Variants in FHOD3 observed in about 807,000 individuals in gnomAD.
The protein encoded by FHOD3 is formin homology 2 domain containing 3.
FHOD3 carries 90 observed loss-of-function variants against 173.0 expected under a neutral mutation model. That is an observed-to-expected ratio of 0.52 (90% CI 0.44 to 0.62). The LOEUF (loss-of-function observed/expected upper bound fraction) is 0.62, where lower values mean the gene tolerates loss of function less well. Ranked by LOEUF, FHOD3 falls within the 20% of genes least tolerant of loss-of-function variation. The pLI is 0.00. For missense variants in FHOD3, 1,945 were observed against 2,034.7 expected (o/e 0.96, Z 0.85); for synonymous variants, 828 against 823.0 (o/e 1.01, Z -0.10).
At chr18:36,558,461 A>C (rs1378030693) in intron 5 of FHOD3, among the ~76,000 whole-genome samples, 1 of 152,222 alleles carries the variant, frequency 6.6e-6, no homozygotes, top group East Asian at 1.9e-4. Flanking sequence ...TCTTTTGGCC[A>C]GAAGCGGAAG....
intron 27 of FHOD3, among the ~76,000 whole-genome samples, chr18:36,763,598 C>A (rs1171385866): frequency 6.9e-6 from 1 of 145,318 alleles, no homozygotes; most frequent in East Asian, 2.0e-4. Context: ...GTATTATACA[C>A]GTTATATATA....
chr18:36,736,447 A>G (rs1451417229), intron 20 of FHOD3, among the ~76,000 whole-genome samples: 2 of 152,174 alleles, frequency 1.3e-5, no homozygotes, highest in Non-Finnish European at 2.9e-5. Flanking sequence ...GGTCACATAA[A>G]CGAATTGAAA....
chr18:36,700,576 G>A lies in FHOD3; in HGVS notation c.2236+7153G>A, dbSNP rs144750143. Among the ~76,000 whole-genome samples the A allele has an allele frequency of 1.5e-4, 23 of 151,932 alleles. No homozygotes were observed. In the East Asian group the frequency reaches 3.1e-3, roughly 20 times the overall value. On this transcript the variant is annotated intron_variant, in intron 17 of 28. Transcript: ENST00000590592. ...TTTCTTTTCTCTTCATTGCCATTGC[G>A]TTAGTCCTGGCCTCAACCATCTCTG...
intron 3 of FHOD3, among the ~76,000 whole-genome samples, chr18:36,492,691 C>T (rs2054531191): frequency 6.6e-6 from 1 of 152,182 alleles, no homozygotes; most frequent in South Asian, 2.1e-4. Context: ...TTCTGTCTTA[C>T]CAGGTCTCAT....
At chr18:36,618,311 G>GTTTTTTTTTTTTTTTTTTT (rs34019893) in intron 9 of FHOD3, among the ~76,000 whole-genome samples, 1 of 70,848 alleles carries the variant, frequency 1.4e-5, no homozygotes, top group Non-Finnish European at 2.5e-5. Flanking sequence ...TTTTTTGGTG[G>GTTTTTTTTTTTTTTTTTTT]TTTTTTTTTT....
chr18:36,493,616 C>G (rs1198448554), intron 3 of FHOD3, among the ~76,000 whole-genome samples: 1 of 152,160 alleles, frequency 6.6e-6, no homozygotes, highest in Non-Finnish European at 1.5e-5. Flanking sequence ...TTCACCAACT[C>G]TCTCTGACTG....
chr18:36,687,245 C>A, intron 16 of FHOD3, 67 bp downstream of exon 16: 1 of 1,153,980 alleles, frequency 8.7e-7, no homozygotes, highest in Non-Finnish European at 1.3e-6. Flanking sequence ...ACCTAGCATG[C>A]AGAGAGACTG....
At chr18:36,447,847 A>G (rs574967983) in intron 3 of FHOD3, among the ~76,000 whole-genome samples, 31 of 152,344 alleles carry the variant, frequency 2.0e-4, no homozygotes, top group African/African-American at 7.2e-4. Context: ...AGCAGGTTTC[A>G]AAATTGCCTT....
intron 10 of FHOD3, among the ~76,000 whole-genome samples, chr18:36,646,141 C>T (rs376083036): frequency 1.8e-4 from 28 of 151,934 alleles, no homozygotes; most frequent in African/African-American, 5.6e-4. Flanking sequence ...AGTGATGAAA[C>T]GATTGTCTAC....
At chr18:36,664,454 A>G (rs1377349687) in intron 14 of FHOD3, among the ~76,000 whole-genome samples, 2 of 152,144 alleles carry the variant, frequency 1.3e-5, no homozygotes, top group Non-Finnish European at 2.9e-5. Context: ...GTCCTTATTA[A>G]TTGATTGCGT....
chr18:36,614,122 C>G (rs749437606), intron 9 of FHOD3, among the ~76,000 whole-genome samples: 11 of 152,194 alleles, frequency 7.2e-5, no homozygotes, highest in Non-Finnish European at 1.5e-4. Context: ...GCTTTTGTCA[C>G]TCCCAAAAGA....
At chr18:36,602,823 C>G (rs1346609652) in intron 8 of FHOD3, 55 bp downstream of exon 8, 1 of 1,322,808 alleles carries the variant, frequency 7.6e-7, no homozygotes, top group Non-Finnish European at 1.1e-6. Flanking sequence ...TATGTTAAAG[C>G]CCTGACCCCT....
intron 3 of FHOD3, among the ~76,000 whole-genome samples, chr18:36,383,344 T>C (rs2047884208): frequency 6.6e-6 from 1 of 152,228 alleles, no homozygotes; most frequent in Admixed American, 6.5e-5. Context: ...GGTGCTGTGC[T>C]GCGGCTGAGT....
At chr18:36,333,703 A>G (rs1184459957) in intron 1 of FHOD3, among the ~76,000 whole-genome samples, 1 of 152,110 alleles carries the variant, frequency 6.6e-6, no homozygotes, top group East Asian at 1.9e-4. Flanking sequence ...CTTATTAGAA[A>G]TGCAGACTTT....
At chr18:36,557,837 G>T (rs1421867367) in intron 5 of FHOD3, among the ~76,000 whole-genome samples, 1 of 152,112 alleles carries the variant, frequency 6.6e-6, no homozygotes, top group Non-Finnish European at 1.5e-5. Context: ...TGTCACATTT[G>T]TTCTAAGGCC....
chr18:36,537,750 G>C (rs1168258811), intron 5 of FHOD3, among the ~76,000 whole-genome samples: 2 of 152,122 alleles, frequency 1.3e-5, no homozygotes, highest in African/African-American at 4.8e-5. Flanking sequence ...CATGGTTATA[G>C]CATAAGACTT....
chr18:36,602,795 T>C, intron 8 of FHOD3, 27 bp downstream of exon 8: 10 of 1,531,642 alleles, frequency 6.5e-6, no homozygotes, highest in Non-Finnish European at 9.1e-6. Flanking sequence ...ATGGGTTGAA[T>C]TGCGTCACCT....
chr18:36,756,367 A>G (rs2042635030), intron 25 of FHOD3, among the ~76,000 whole-genome samples: 2 of 152,100 alleles, frequency 1.3e-5, no homozygotes, highest in African/African-American at 4.8e-5. Flanking sequence ...GATTTCTCCC[A>G]TCTGTGCGTG....
chr18:36,530,680 T>G (rs1196768654), intron 5 of FHOD3, among the ~76,000 whole-genome samples: 1 of 152,224 alleles, frequency 6.6e-6, no homozygotes, highest in African/African-American at 2.4e-5. Flanking sequence ...ATGCACATTC[T>G]TGTTGTATTT....
Sources: gnomAD v4.1 joint callset for allele counts (sites outside exome capture counted in the v4.1 genomes callset) on GRCh38, gnomAD v4.1.1 for gene constraint, MANE v1.5 for transcripts, NCBI Gene and HGNC (gene_info 2026-07-23, HGNC 2026-07-21) for gene names.